SPRR5: variants seen among roughly 807,000 people sequenced by gnomAD.
The protein encoded by SPRR5 is small proline rich protein 5.
chr1:152,948,083 CCTT>C (rs1651104671), intron 1 of SPRR5, among the ~76,000 whole-genome samples: 1 of 152,050 alleles, frequency 6.6e-6, no homozygotes, highest in Admixed American at 6.6e-5. Flanking sequence ...GTATGGAAAA[CCTT>C]AGTTGCTCAA....
At chr1:152,948,868 C>T (rs1651137042) in exon 2 of SPRR5, 1 of 229,062 alleles carries the variant, frequency 4.4e-6, no homozygotes, top group Non-Finnish European at 8.4e-6. Flanking sequence ...TGCCAGACGT[C>T]CAAGCAGAAG....
exon 2 of SPRR5, chr1:152,948,547 A>G: frequency 3.1e-6 from 1 of 327,844 alleles, no homozygotes; most frequent in South Asian, 1.4e-4. Context: ...TTGCAAGTCC[A>G]GCCCAGAATG....
rs527964875 is a variant in SPRR5 at position 152,948,218 on chromosome 1, CCT to C, written c.-18-311_-18-310del. 6.3e-3 allele frequency among the ~76,000 whole-genome samples: 934 copies of C among 147,148 alleles called. 3 individuals are homozygous for C. The highest frequency in any genetic ancestry group is 0.023 in the African/African-American group (873 of 37,164). The stretch of plus-strand genomic sequence containing the variant: ...CTCTTTCATTCTTCCTCTTTTTTTT[CCT>C]CTCTCTCCCTTTTCTTTTTTTATGT... On this transcript the variant is annotated intron_variant, in intron 1 of 1. Transcript: ENST00000636302.
At chr1:152,947,978 G>T (rs752322415) in intron 1 of SPRR5, among the ~76,000 whole-genome samples, 1 of 152,162 alleles carries the variant, frequency 6.6e-6, no homozygotes, top group Non-Finnish European at 1.5e-5. Flanking sequence ...CTCTGCATGT[G>T]TGTGTCGGTA....
chr1:152,947,967 ACTC>A (rs1347276570), intron 1 of SPRR5, among the ~76,000 whole-genome samples: 10 of 151,890 alleles, frequency 6.6e-5, no homozygotes, highest in Non-Finnish European at 1.5e-4. Flanking sequence ...TTGTGCTACT[ACTC>A]TGCATGTGTG....
intron 1 of SPRR5, among the ~76,000 whole-genome samples, chr1:152,948,039 C>T (rs1304184732): frequency 1.3e-5 from 2 of 152,154 alleles, no homozygotes; most frequent in East Asian, 3.9e-4. Flanking sequence ...TTTATATACT[C>T]ATTTAATTTT....
At chr1:152,948,377 T>C (rs1399857294) in intron 1 of SPRR5, among the ~76,000 whole-genome samples, 160 bp from the exon 2 acceptor site, 2 of 138,568 alleles carry the variant, frequency 1.4e-5, no homozygotes, top group Admixed American at 6.7e-5. Context: ...AGTTTACACA[T>C]GCGCGCGCGC....
chr1:152,948,807 C>T, exon 2 of SPRR5: 3 of 228,080 alleles, frequency 1.3e-5, no homozygotes, highest in Non-Finnish European at 1.7e-5. Context: ...TTGCCAGCCC[C>T]CACCCAAGTG....
chr1:152,947,426 A>C (rs1347005838), intron 1 of SPRR5, among the ~76,000 whole-genome samples, 178 bp downstream of exon 1: 3 of 152,052 alleles, frequency 2.0e-5, no homozygotes, highest in African/African-American at 7.2e-5. Flanking sequence ...TATCCAGCAG[A>C]GTAGTGTGGG....
chr1:152,947,617 G>T (rs1651092063), intron 1 of SPRR5, among the ~76,000 whole-genome samples: 1 of 152,172 alleles, frequency 6.6e-6, no homozygotes, highest in African/African-American at 2.4e-5. Context: ...AAAAGAGAAG[G>T]CAGGAAGGAA....
chr1:152,949,211 C>A (rs74131103), exon 2 of SPRR5: 1,997 of 152,302 alleles, frequency 0.013, 35 homozygotes, highest in African/African-American at 0.044. Context: ...CCACGCTTCC[C>A]CTCAGCTCCT....
At chr1:152,948,474 A>G (rs1282241225) in intron 1 of SPRR5, 63 bp from the exon 2 acceptor site, 5 of 266,818 alleles carry the variant, frequency 1.9e-5, no homozygotes, top group Non-Finnish European at 3.6e-5. Context: ...CAGGGGGTTC[A>G]CCTGGGCTTA....
exon 2 of SPRR5, chr1:152,948,866 G>A (rs533231446): frequency 6.9e-5 from 14 of 201,640 alleles, no homozygotes; most frequent in Non-Finnish European, 9.5e-5. Context: ...AGTGCCAGAC[G>A]TCCAAGCAGA....
At chr1:152,948,971 CA>C (rs1162642177) in exon 2 of SPRR5, 2 of 165,438 alleles carry the variant, frequency 1.2e-5, no homozygotes, top group Non-Finnish European at 2.6e-5. Context: ...ACAGGCCAAG[CA>C]AAGCCCTGCT....
chr1:152,948,711 C>T (rs1253311859), exon 2 of SPRR5: 4 of 180,408 alleles, frequency 2.2e-5, no homozygotes, highest in East Asian at 8.7e-5. Context: ...ATGCTGCCCC[C>T]CTCCCCAGCA....
chr1:152,947,635 A>G (rs1482237570), intron 1 of SPRR5, among the ~76,000 whole-genome samples: 1 of 152,202 alleles, frequency 6.6e-6, no homozygotes, highest in Non-Finnish European at 1.5e-5. Context: ...GAAAGAGAAC[A>G]GACTCCCTTG....
chr1:152,947,594 T>C lies in SPRR5; in HGVS notation c.-19+346T>C, dbSNP rs140228053. Among the ~76,000 whole-genome samples the C allele has an allele frequency of 6.3e-3, 955 of 152,264 alleles. 17 individuals carry two copies. Among genetic ancestry groups the C allele is most frequent in the Middle Eastern group, 0.041 (12 of 294 alleles). On this transcript the variant is annotated intron_variant, in intron 1 of 1. Coordinates refer to ENST00000636302, the Ensembl canonical transcript of SPRR5. ...TTCTGGGCAGAGCAACTGGAAGGAC[T>C]GTCCTTTCAAAGAAAAGAGAAGGCA...
chr1:152,949,022 G>T (rs940371214), exon 2 of SPRR5: 1 of 157,692 alleles, frequency 6.3e-6, no homozygotes, highest in Non-Finnish European at 1.4e-5. Context: ...CACACTTGCA[G>T]GAGAGGCAGC....
chr1:152,949,105 A>G (rs557836684), exon 2 of SPRR5: 1 of 152,876 alleles, frequency 6.5e-6, no homozygotes, highest in South Asian at 2.1e-4. Flanking sequence ...CATCTCAGAC[A>G]AGGATCTGGT....
Sources: gnomAD v4.1 joint callset for allele counts (sites outside exome capture counted in the v4.1 genomes callset) on GRCh38, gnomAD v4.1.1 for gene constraint, MANE v1.5 for transcripts, NCBI Gene and HGNC (gene_info 2026-07-23, HGNC 2026-07-21) for gene names.